Variants in FHDC1 observed in about 807,000 individuals in gnomAD.
The protein encoded by FHDC1 is FH2 domain-containing protein 1.
A neutral mutation model predicts 52.6 loss-of-function variants in FHDC1; 25 were observed. The ratio of observed to expected loss-of-function variants is 0.48; its 90% confidence interval spans 0.35 to 0.66. The LOEUF (loss-of-function observed/expected upper bound fraction) is 0.66. Ranked by LOEUF, FHDC1 falls within the 30% of genes least tolerant of loss-of-function variation. The probability of loss-of-function intolerance (pLI) is 0.01; values close to 1 mark genes in which losing one functional copy is unlikely to be tolerated. For missense variants in FHDC1, 1,459 were observed against 1,452.8 expected, an observed-to-expected ratio of 1.00 and a Z score of -0.07; for synonymous variants, 616 against 581.5, an observed-to-expected ratio of 1.06 and a Z score of -0.85.
At chr4:152,924,763 A>T in the FHDC1 span, among the ~76,000 whole-genome samples, 3 of 151,696 alleles carry the variant, frequency 2.0e-5, no homozygotes, top group East Asian at 1.9e-4. Flanking sequence ...CGCAAGAACA[A>T]AAAACCAAAC....
chr4:152,974,484 CTACACACACACACATGCG>C (rs1274032723), intron 11 of FHDC1, among the ~76,000 whole-genome samples, 173 bp from the exon 12 acceptor site: 1 of 152,116 alleles, frequency 6.6e-6, no homozygotes, highest in Non-Finnish European at 1.5e-5. Context: ...CACCCTCCCT[CTACACACACACACATGCG>C]TACACACACA....
At chr4:152,971,896 G>A (rs1466538411) in intron 10 of FHDC1, among the ~76,000 whole-genome samples, 1 of 152,138 alleles carries the variant, frequency 6.6e-6, no homozygotes, top group African/African-American at 2.4e-5. Context: ...GAGCTCATTT[G>A]GGATTAAGCT....
chr4:152,944,528 A>T (rs1739670618), intron 2 of FHDC1, among the ~76,000 whole-genome samples: 2 of 152,176 alleles, frequency 1.3e-5, no homozygotes, highest in South Asian at 4.1e-4. Flanking sequence ...GGGCCCTGGG[A>T]TGGAGTAGCA....
At chr4:152,937,752 C>T (rs1405394282) in intron 1 of FHDC1, among the ~76,000 whole-genome samples, 1 of 152,010 alleles carries the variant, frequency 6.6e-6, no homozygotes, top group East Asian at 1.9e-4. Flanking sequence ...GCCCTTCTGC[C>T]CGGCGCTGAT....
At chr4:152,970,742 T>C (rs959544441) in intron 10 of FHDC1, among the ~76,000 whole-genome samples, 19 of 152,246 alleles carry the variant, frequency 1.2e-4, no homozygotes, top group African/African-American at 4.1e-4. Context: ...CTCTGGTATT[T>C]GGTTTCCTAC....
rs143518164 is a variant in FHDC1 at position 152,975,122 on chromosome 4, G to A, written c.1831G>A (p.Ala611Thr). 5.2e-5 allele frequency: 84 copies of A among 1,612,564 alleles called. No individual in the cohort carries two copies. Among genetic ancestry groups the A allele is most frequent in the Non-Finnish European group, 6.9e-5 (81 of 1,180,004 alleles). ...TCAGGCCTCGGGGGGCCAGGAGGAG[G>A]CCCCCAACCCACCCTCAGCACAGGC... ...KPQASGGQEE[A>T]PNPPSAQAHQ... The change falls in exon 12 of 12, where the codon GCC (alanine) becomes ACC (threonine). Residue 611 changes from alanine to threonine, a missense_variant. By Grantham distance (58) the Ala-to-Thr change is moderately conservative. Transcript: ENST00000511601.
At chr4:152,940,257 T>G (rs2149935163) in intron 1 of FHDC1, among the ~76,000 whole-genome samples, 1 of 152,352 alleles carries the variant, frequency 6.6e-6, no homozygotes, top group East Asian at 1.9e-4. Flanking sequence ...ACCTATTCAT[T>G]AGAAGCCGTT....
At chr4:152,973,125 C>T (rs1034558584) in intron 11 of FHDC1, among the ~76,000 whole-genome samples, 2 of 152,244 alleles carry the variant, frequency 1.3e-5, no homozygotes, top group Non-Finnish European at 2.9e-5. Flanking sequence ...ACCACCAATT[C>T]CAGTCATCTC....
intron 8 of FHDC1, among the ~76,000 whole-genome samples, chr4:152,963,666 C>G (rs1740353160): frequency 6.6e-6 from 1 of 150,432 alleles, no homozygotes; most frequent in African/African-American, 2.4e-5. Flanking sequence ...GATTTGTGAC[C>G]AGTTATGTGT....
intron 3 of FHDC1, among the ~76,000 whole-genome samples, chr4:152,953,874 G>GT (rs1740000972): frequency 6.6e-6 from 1 of 152,276 alleles, no homozygotes; most frequent in East Asian, 1.9e-4. Flanking sequence ...AGCGGTCAGA[G>GT]TTTTGTGTTC....
chr4:152,928,221 T>A, the FHDC1 span: 1 of 743,780 alleles, frequency 1.3e-6, no homozygotes, highest in Admixed American at 1.8e-5. Context: ...TTCTCTGTCC[T>A]TACACAGGGA....
intron 9 of FHDC1, among the ~76,000 whole-genome samples, chr4:152,965,658 A>G (rs1740435224): frequency 6.6e-6 from 1 of 152,186 alleles, no homozygotes; most frequent in Non-Finnish European, 1.5e-5. Context: ...TTGGAGAAAA[A>G]AGTCCTGATT....
At chr4:152,913,406 C>T in the FHDC1 span, among the ~76,000 whole-genome samples, 1 of 152,176 alleles carries the variant, frequency 6.6e-6, no homozygotes, top group Non-Finnish European at 1.5e-5. Context: ...TTCTTCTAAT[C>T]ATGGAACTGT....
Position 152,954,268 on chromosome 4 carries a change from T to C in FHDC1, c.612T>C (p.Tyr204=). The change falls in exon 4 of 12, where the codon TAT becomes TAC. Residue 204 remains tyrosine (Y), a synonymous_variant. Coordinates refer to ENST00000511601, the MANE Select transcript of FHDC1 (RefSeq NM_001371116.1). ...EDIHQGKSEH[Y]GSETLREFLK... ...TTCATCAAGGAAAAAGTGAGCATTATGGATCAGAGACCTTGCGAGAATTTC... is the reference window on the plus strand; with the variant it reads ...TTCATCAAGGAAAAAGTGAGCATTACGGATCAGAGACCTTGCGAGAATTTC... 4 of 1,614,186 alleles carry C rather than the reference T, an allele frequency of 2.5e-6. No individual in the cohort carries two copies. In the South Asian group the frequency reaches 4.4e-5, roughly 18 times the overall value.
At chr4:152,914,586 G>C in the FHDC1 span, among the ~76,000 whole-genome samples, 2 of 152,180 alleles carry the variant, frequency 1.3e-5, no homozygotes, top group African/African-American at 4.8e-5. Context: ...TCACAGTTTT[G>C]TTTGGGTCCA....
In FHDC1 at chr4:152,941,101, T is replaced by C. The variant is rs373026151; in HGVS notation, c.-130-1827T>C. Among the ~76,000 whole-genome samples the C allele has an allele frequency of 4.1e-4, 62 of 152,356 alleles. 1 individual carries two copies. The East Asian group carries it at 9.2e-3, about 23-fold the overall frequency. On this transcript the variant is annotated intron_variant, in intron 1 of 11. Coordinates refer to ENST00000511601, the MANE Select transcript of FHDC1 (RefSeq NM_001371116.1). ...GCACACTTAAAAGTGGTGAAAATGA[T>C]TTTTTAAAGTATCCAATTAATAGCT... is the stretch of plus-strand genomic sequence containing the variant.
chr4:152,949,121 TAATAAG>T lies in FHDC1; in HGVS notation c.499-4375_499-4370del, dbSNP rs1487395323. 9.8e-3 allele frequency among the ~76,000 whole-genome samples: 643 copies of T among 65,428 alleles called. 4 individuals carry two copies. Among genetic ancestry groups the T allele is most frequent in the African/African-American group, 0.014 (250 of 18,512 alleles). 42.9% of individuals were successfully genotyped at this position (65,428 alleles called of 152,430 possible). A position where few individuals can be genotyped will look rare whatever the true frequency, so the allele number is the denominator to read the frequency against. On this transcript the variant is annotated intron_variant, in intron 2 of 11. Coordinates refer to ENST00000511601, the MANE Select transcript of FHDC1 (RefSeq NM_001371116.1). ...ATAATAATAATAATAATAATAATAA[TAATAAG>T]AAGAAGAAGAAGAAGAAGAAGAAGA... is the stretch of plus-strand genomic sequence containing the variant.
In FHDC1 at chr4:152,975,088, A is replaced by C. The variant is rs1394541533; in HGVS notation, c.1797A>C (p.Ala599=). The change falls in exon 12 of 12, where the codon GCA becomes GCC. Residue 599 remains alanine, a synonymous_variant. Coordinates refer to ENST00000511601, the MANE Select transcript of FHDC1 (RefSeq NM_001371116.1). ...AEVRHQDSSF[A]HKPQASGGQE... Reference sequence around the variant, plus strand: ...TGAGGCACCAGGACTCCAGCTTTGCACACAAACCTCAGGCCTCGGGGGGCC... The same window carrying C: ...TGAGGCACCAGGACTCCAGCTTTGCCCACAAACCTCAGGCCTCGGGGGGCC... 2 of 1,612,684 alleles carry C rather than the reference A, an allele frequency of 1.2e-6. No homozygotes were observed. The highest frequency in any genetic ancestry group is 2.2e-5 in the South Asian group (2 of 91,060).
the FHDC1 span, among the ~76,000 whole-genome samples, chr4:152,926,969 C>T: frequency 6.6e-6 from 1 of 152,202 alleles, no homozygotes; most frequent in African/African-American, 2.4e-5. Flanking sequence ...AGACAGAACC[C>T]TGATTCGGCT....
Sources: gnomAD v4.1 joint callset for allele counts (sites outside exome capture counted in the v4.1 genomes callset) on GRCh38, gnomAD v4.1.1 for gene constraint, MANE v1.5 for transcripts, NCBI Gene and HGNC (gene_info 2026-07-23, HGNC 2026-07-21) for gene names.